Variants in COL5A1 observed in about 807,000 individuals in gnomAD.
COL5A1 encodes the protein collagen type V alpha 1 chain.
A neutral mutation model predicts 263.7 loss-of-function variants in COL5A1; 16 were observed. The ratio of observed to expected loss-of-function variants is 0.06; its 90% CI spans 0.04 to 0.09. The LOEUF (loss-of-function observed/expected upper bound fraction) is 0.09. Among genes scored for constraint, COL5A1 ranks in the 10% least tolerant of loss-of-function variants. COL5A1 has a pLI of 1.00. For missense variants in COL5A1, 2,036 were observed against 2,540.5 expected, an observed-to-expected ratio of 0.80 and a Z score of 4.27; for synonymous variants, 1,012 against 1,004.5, an observed-to-expected ratio of 1.01 and a Z score of -0.14.
intron 1 of COL5A1, among the ~76,000 whole-genome samples, chr9:134,667,891 C>T (rs181707415): frequency 1.3e-5 from 2 of 152,316 alleles, no homozygotes; most frequent in Non-Finnish European, 2.9e-5. Flanking sequence ...GCAGTCCCTG[C>T]TGGAACATGA....
At chr9:134,840,940 C>G (rs1472132250) in intron 65 of COL5A1, among the ~76,000 whole-genome samples, 2 of 152,220 alleles carry the variant, frequency 1.3e-5, no homozygotes, top group Non-Finnish European at 2.9e-5. Flanking sequence ...GAATAAGGCC[C>G]TTCAAGGCCA....
rs78525067 is a variant in COL5A1 at position 134,778,986 on chromosome 9, G to C, written c.2386-1116G>C. On this transcript the variant is annotated intron_variant, in intron 27 of 65. Coordinates refer to ENST00000371817, the MANE Select transcript of COL5A1 (RefSeq NM_000093.5). ...CACCTCTGCAGAAAGGAGCTCCTCC[G>C]TGTCTCCATCCCTTCCCAGAGCCCC... is the stretch of plus-strand genomic sequence containing the variant. Among the ~76,000 whole-genome samples, 4 of 152,364 alleles carry C rather than the reference G, an allele frequency of 2.6e-5. No homozygotes were observed. The East Asian group carries it at 7.7e-4, about 29-fold the overall frequency.
At chr9:134,820,062 G>A (rs1175179283) in intron 57 of COL5A1, 54 bp from the exon 58 acceptor site, 13 of 1,392,202 alleles carry the variant, frequency 9.3e-6, no homozygotes, top group Middle Eastern at 3.6e-4. Flanking sequence ...CACCGTGGCC[G>A]AGCATGAGGC....
Position 134,765,129 on chromosome 9 carries a change from G to A in COL5A1, c.2035-552G>A, listed in dbSNP as rs1026922464. 2.0e-5 allele frequency among the ~76,000 whole-genome samples: 3 copies of A among 152,238 alleles called. No homozygotes were observed. Among genetic ancestry groups the A allele is most frequent in the South Asian group, 2.1e-4 (1 of 4,828 alleles). On this transcript the variant is annotated intron_variant, in intron 20 of 65. Transcript: ENST00000371817. This position sits in a 1 kb window ranked among gnomAD's most constrained non-coding sequence, Gnocchi z 5.1. Reference sequence around the variant, plus strand: ...CGTGCCAGCTCTTGCCCAGAGTAGCGTCCTGGAAAAGATCTGTACCCCACG... The same window carrying A: ...CGTGCCAGCTCTTGCCCAGAGTAGCATCCTGGAAAAGATCTGTACCCCACG...
intron 1 of COL5A1, among the ~76,000 whole-genome samples, chr9:134,661,570 G>A (rs1355172757): frequency 6.6e-6 from 1 of 151,958 alleles, no homozygotes. Context: ...CCAATAGGGA[G>A]CAGAGCTGAG....
At chr9:134,825,369 C>T (rs956352675) in intron 62 of COL5A1, among the ~76,000 whole-genome samples, 6 of 152,192 alleles carry the variant, frequency 3.9e-5, no homozygotes, top group African/African-American at 1.4e-4. Flanking sequence ...GATAAATTCC[C>T]ATTAGCTTTT....
Position 134,818,861 on chromosome 9 carries a change from T to A in COL5A1, c.4352T>A (p.Leu1451His). ...GIPGPVGEQG[L>H]PGSPGPDGPP... ...TCTGTGTTTCAGGGAGAACAAGGTC[T>A]CCCAGGATCCCCAGGCCCGGACGGT... Residue 1451 changes from leucine (L) to histidine (H), a missense_variant, in exon 56 of 66, where the codon CTC becomes CAC. Leu to His is a moderately conservative substitution (Grantham distance 99). Around this residue, in one of 3 missense-constraint regions of COL5A1, gnomAD observed 1,078 missense variants for 1,521.4 expected, o/e 0.71. Transcript: ENST00000371817. This position sits in a 1 kb window ranked among gnomAD's most constrained non-coding sequence, Gnocchi z 6.0. The A allele has an allele frequency of 2.5e-6, 4 of 1,613,114 alleles. No individual in the cohort carries two copies. Among genetic ancestry groups the A allele is most frequent in the Non-Finnish European group, 3.4e-6 (4 of 1,179,874 alleles).
At chr9:134,705,051 A>T (rs1475411826) in intron 4 of COL5A1, among the ~76,000 whole-genome samples, 2 of 152,200 alleles carry the variant, frequency 1.3e-5, no homozygotes, top group African/African-American at 4.8e-5. Flanking sequence ...TTCCCCTGGA[A>T]GGACAACTTC....
intron 64 of COL5A1, 167 bp downstream of exon 64, chr9:134,830,211 T>C (rs766571962): frequency 6.3e-7 from 1 of 1,585,804 alleles, no homozygotes; most frequent in South Asian, 1.1e-5. Flanking sequence ...ACCTCGGCAC[T>C]GCCTGCTTGC....
At chr9:134,666,844 G>C (rs1832375518) in intron 1 of COL5A1, among the ~76,000 whole-genome samples, 1 of 152,172 alleles carries the variant, frequency 6.6e-6, no homozygotes, top group Admixed American at 6.5e-5. Flanking sequence ...CTGTGCGATA[G>C]GGTAAAACAT....
At chr9:134,744,568 C>T (rs1835416231) in intron 11 of COL5A1, among the ~76,000 whole-genome samples, 1 of 151,926 alleles carries the variant, frequency 6.6e-6, no homozygotes, top group South Asian at 2.1e-4. Context: ...TCCACATATA[C>T]ATGCATGCAC....
intron 6 of COL5A1, 96 bp downstream of exon 6, chr9:134,728,903 T>C: frequency 6.6e-7 from 1 of 1,518,000 alleles, no homozygotes; most frequent in East Asian, 2.3e-5. Context: ...GGGTAGAGGG[T>C]TGGGGGCTGT....
At chr9:134,815,664 C>T (rs1482999937) in intron 51 of COL5A1, 35 bp downstream of exon 51, 1 of 1,608,668 alleles carries the variant, frequency 6.2e-7, no homozygotes, top group Non-Finnish European at 8.5e-7. Context: ...ACCGGATCCC[C>T]CACAGTGCTG....
Position 134,785,011 on chromosome 9 carries a change from C to T in COL5A1, c.2507C>T (p.Pro836Leu). The part of the protein sequence containing the change: ...GDRGEIGPPG[P>L]RGEDGPEGPK... ...CAGGGGGAGATCGGCCCACCCGGTC[C>T]CAGGGGAGAAGATGGCCCTGAAGGC... The change falls in exon 30 of 66, where the codon CCC becomes CTC. Residue 836 changes from proline (P) to leucine (L), a missense_variant. Transcript: ENST00000371817. 6.2e-7 allele frequency: 1 copy of T among 1,613,340 alleles called. No homozygotes were observed. The highest frequency in any genetic ancestry group is 8.5e-7 in the Non-Finnish European group (1 of 1,179,992).
At chr9:134,668,468 A>G (rs551162011) in intron 1 of COL5A1, among the ~76,000 whole-genome samples, 1 of 132,370 alleles carries the variant, frequency 7.6e-6, no homozygotes, top group African/African-American at 3.2e-5. Flanking sequence ...CAGGTAGGGT[A>G]GCAGGAGAGA....
intron 39 of COL5A1, 61 bp from the exon 40 acceptor site, chr9:134,804,914 G>T (rs532251858): frequency 2.1e-6 from 3 of 1,444,152 alleles, no homozygotes; most frequent in African/African-American, 1.4e-5. Context: ...CTTCGCTCTG[G>T]GGCTGGTGAG....
At chr9:134,702,004 C>T (rs570911497) in intron 4 of COL5A1, among the ~76,000 whole-genome samples, 1 of 152,190 alleles carries the variant, frequency 6.6e-6, no homozygotes, top group Non-Finnish European at 1.5e-5. Flanking sequence ...TGCAGGTGAC[C>T]AGTGATCCCC....
At chr9:134,801,635 A>G (rs556477872) in intron 37 of COL5A1, among the ~76,000 whole-genome samples, 103 of 152,188 alleles carry the variant, frequency 6.8e-4, no homozygotes, top group African/African-American at 2.4e-3. Flanking sequence ...AAAAATACAA[A>G]AATTTGCCAG....
At position 134,681,116 on chromosome 9, in the gene COL5A1, C is replaced by T. The variant is rs192688297; in HGVS notation, c.110-9796C>T. ...CAGCCTCCAGAGCGCCTCTGTTTTT[C>T]GACCTGCTGGGTTGACCTCACTGAT... On this transcript the variant is annotated intron_variant, in intron 1 of 65. Coordinates refer to ENST00000371817, the MANE Select transcript of COL5A1 (RefSeq NM_000093.5). The surrounding 1 kb of genome is among the most constrained non-coding windows in gnomAD (Gnocchi z 4.3). Among the ~76,000 whole-genome samples, 48 of 152,288 alleles carry T rather than the reference C, an allele frequency of 3.2e-4. No individual in the cohort carries two copies. Among genetic ancestry groups the T allele is most frequent in the Admixed American group, 1.4e-3 (22 of 15,298 alleles).
Sources: gnomAD v4.1 joint callset for allele counts (sites outside exome capture counted in the v4.1 genomes callset) on GRCh38, gnomAD v4.1.1 for gene constraint, gnomAD v4.1.1 regional missense constraint, Gnocchi (gnomAD v3.1) non-coding constraint, MANE v1.5 for transcripts, NCBI Gene and HGNC (gene_info 2026-07-23, HGNC 2026-07-21) for gene names.